The following CPSF6 variants were observed in gnomAD, a reference collection of about 807,000 sequenced individuals.
CPSF6 encodes cleavage and polyadenylation specificity factor subunit 6.
CPSF6 carries 10 observed loss-of-function variants against 56.7 expected under a neutral mutation model. The ratio of observed to expected loss-of-function variants is 0.18; its 90% CI spans 0.11 to 0.30. CPSF6 has a LOEUF of 0.30. Among genes scored for constraint, CPSF6 ranks in the 10% least tolerant of loss-of-function variants. CPSF6 has a pLI of 1.00. For missense variants in CPSF6, 419 were observed against 722.9 expected, an observed-to-expected ratio of 0.58 and a Z score of 4.82; for synonymous variants, 248 against 244.8, an observed-to-expected ratio of 1.01 and a Z score of -0.12.
At position 69,270,812 on chromosome 12, in the gene CPSF6, T is replaced by G. The variant is rs537694227; in HGVS notation, c.*1304T>G. ...AAATTGGCAGAGGCAGGGTGTCAAC[T>G]TGATTAGGTGTTTTTATGGGAATGT... On this transcript the variant is annotated 3_prime_UTR_variant, in exon 10 of 10. Transcript: ENST00000435070. The G allele has an allele frequency of 2.6e-5, 4 of 151,886 alleles. No homozygotes were observed. In the South Asian group the frequency reaches 6.2e-4, roughly 24 times the overall value. The allele number at this position is 151,886 out of a possible 1,614,324, so 9.4% of individuals were successfully genotyped here.
At chr12:69,256,658 C>G in intron 3 of CPSF6, 39 bp from the exon 4 acceptor site, 1 of 1,567,096 alleles carries the variant, frequency 6.4e-7, no homozygotes, top group Non-Finnish European at 8.6e-7. Context: ...ATATTGATCT[C>G]TTTTTACTTT....
chr12:69,265,100 A>G (rs2120621934), intron 9 of CPSF6, among the ~76,000 whole-genome samples: 1 of 152,202 alleles, frequency 6.6e-6, no homozygotes, highest in African/African-American at 2.4e-5. Flanking sequence ...TTGTGTTTGA[A>G]CTGTTGGTAA....
intron 8 of CPSF6, 104 bp from the exon 9 acceptor site, chr12:69,262,269 T>C (rs189266227): frequency 2.8e-5 from 38 of 1,380,410 alleles, no homozygotes; most frequent in Admixed American, 1.8e-4. Context: ...AAACCAGATT[T>C]ACAAAGAATT....
chr12:69,245,283 T>C (rs972287578), intron 1 of CPSF6, among the ~76,000 whole-genome samples: 2 of 152,096 alleles, frequency 1.3e-5, no homozygotes, highest in Non-Finnish European at 1.5e-5. Flanking sequence ...GAGGAATGCA[T>C]TGGGCTAAGA....
Position 69,272,926 on chromosome 12 carries a change from T to G in CPSF6, c.*3418T>G, listed in dbSNP as rs1873317902. On this transcript the variant is annotated 3_prime_UTR_variant, in exon 10 of 10. Transcript: ENST00000435070. ...CGTTTTTTTAACCTTAACTTCAGTT[T>G]AAACACTGGTGTATTTATTTTTTTA... 1 of 216,252 alleles carries G rather than the reference T, an allele frequency of 4.6e-6. No homozygotes were observed. The highest frequency in any genetic ancestry group is 5.3e-5 in the Admixed American group (1 of 18,722). The allele number at this position is 216,252 out of a possible 1,614,324, so 13.4% of individuals were successfully genotyped here. A position where few individuals can be genotyped will look rare whatever the true frequency, so the allele number is the denominator to read the frequency against.
chr12:69,260,522 CA>C (rs1872700359), intron 8 of CPSF6, among the ~76,000 whole-genome samples: 1 of 152,078 alleles, frequency 6.6e-6, no homozygotes. Flanking sequence ...TTAGGTACAC[CA>C]AATGTTTGAC....
intron 1 of CPSF6, among the ~76,000 whole-genome samples, chr12:69,250,612 AAAAAG>A (rs1457515144): frequency 1.2e-4 from 6 of 50,366 alleles, no homozygotes; most frequent in African/African-American, 3.9e-4. Flanking sequence ...AAAAAAGAAA[AAAAAG>A]AAAAGAAATA....
intron 9 of CPSF6, 121 bp downstream of exon 9, chr12:69,262,683 ATCT>A: frequency 8.5e-7 from 1 of 1,176,064 alleles, no homozygotes. Flanking sequence ...TGTGAATTTA[ATCT>A]TCTGGAAACA....
At position 69,273,612 on chromosome 12, in the gene CPSF6, C is replaced by CT. The variant is rs1873357575; in HGVS notation, c.*4109dup. 1 of 151,948 alleles carries CT rather than the reference C, an allele frequency of 6.6e-6. No individual in the cohort carries two copies. The highest frequency in any genetic ancestry group is 1.9e-4 in the East Asian group (1 of 5,192). 9.4% of individuals were successfully genotyped at this position (151,948 alleles called of 1,614,324 possible). A position where few individuals can be genotyped will look rare whatever the true frequency, so the allele number is the denominator to read the frequency against. On this transcript the variant is annotated 3_prime_UTR_variant, in exon 10 of 10. Transcript: ENST00000435070. ...AAACATTTTGTTTTGAAAGTGTGTT[C>CT]TTTTTGTCGCACTGTTACTGCGTAA...
intron 9 of CPSF6, among the ~76,000 whole-genome samples, chr12:69,267,072 C>A (rs1174606812): frequency 6.6e-6 from 1 of 151,942 alleles, no homozygotes; most frequent in Admixed American, 6.6e-5. Context: ...GAGAAATTTT[C>A]AGATAGAGAA....
Position 69,262,366 on chromosome 12 carries a change from T to C in CPSF6, c.1470-7T>C. 1 of 1,567,950 alleles carries C rather than the reference T, an allele frequency of 6.4e-7. No individual in the cohort carries two copies. The highest frequency in any genetic ancestry group is 8.7e-7 in the Non-Finnish European group (1 of 1,152,660). Reference sequence around the variant, plus strand: ...GAGAGCATTAATCCAGTAATTTCTTTTAGAAGACGTGAACGATCAAGAGAG... The same window carrying C: ...GAGAGCATTAATCCAGTAATTTCTTCTAGAAGACGTGAACGATCAAGAGAG... On this transcript the variant is annotated splice_region_variant and splice_polypyrimidine_tract_variant and intron_variant, in intron 8 of 9. Transcript: ENST00000435070.
chr12:69,249,174 G>A, intron 1 of CPSF6, among the ~76,000 whole-genome samples: 1 of 122,864 alleles, frequency 8.1e-6, no homozygotes, highest in Non-Finnish European at 1.8e-5. Context: ...GGGGGGCTGA[G>A]GCAGGAGAAT....
At chr12:69,257,241 A>G (rs1468331148) in intron 4 of CPSF6, among the ~76,000 whole-genome samples, 1 of 152,222 alleles carries the variant, frequency 6.6e-6, no homozygotes, top group Non-Finnish European at 1.5e-5. Flanking sequence ...CTGCTTGGCA[A>G]CAAGACCTTT....
At chr12:69,245,054 T>A (rs1301689870) in intron 1 of CPSF6, among the ~76,000 whole-genome samples, 1 of 150,036 alleles carries the variant, frequency 6.7e-6, no homozygotes, top group East Asian at 1.9e-4. Flanking sequence ...GGCCAGGAGT[T>A]CGAGACCAGC....
In CPSF6 at chr12:69,262,540, G is replaced by C; in HGVS notation, c.1637G>C (p.Arg546Pro). Reference sequence around the variant, plus strand: ...CGTGACCGAGAGCGTGACCGAGAGCGCGAATATCGTCATCGTTAGAAGGTG... The same window carrying C: ...CGTGACCGAGAGCGTGACCGAGAGCCCGAATATCGTCATCGTTAGAAGGTG... ...RDRDRERDRE[R>P]EYRHR Residue 546 changes from arginine (R) to proline (P), a missense_variant, in exon 9 of 10, where the codon CGC becomes CCC. By Grantham distance (103) the Arg-to-Pro change is moderately radical. Around this residue, in one of 4 missense-constraint regions of CPSF6, gnomAD observed 81 missense variants for 193.6 expected, o/e 0.42. Coordinates refer to ENST00000435070, the MANE Select transcript of CPSF6 (RefSeq NM_007007.3). 1 of 1,613,398 alleles carries C rather than the reference G, an allele frequency of 6.2e-7. No homozygotes were observed. The highest frequency in any genetic ancestry group is 8.5e-7 in the Non-Finnish European group (1 of 1,179,582).
At chr12:69,261,111 A>G (rs1278531097) in intron 8 of CPSF6, among the ~76,000 whole-genome samples, 1 of 152,100 alleles carries the variant, frequency 6.6e-6, no homozygotes, top group African/African-American at 2.4e-5. Flanking sequence ...TTCACTTGGT[A>G]TTCTTAGATA....
At chr12:69,267,314 C>G (rs957347497) in intron 9 of CPSF6, among the ~76,000 whole-genome samples, 1 of 151,922 alleles carries the variant, frequency 6.6e-6, no homozygotes, top group African/African-American at 2.4e-5. Flanking sequence ...GATATAGTAT[C>G]TTAAAATACA....
intron 1 of CPSF6, among the ~76,000 whole-genome samples, chr12:69,250,061 G>C (rs1442013426): frequency 6.6e-6 from 1 of 152,026 alleles, no homozygotes; most frequent in African/African-American, 2.4e-5. Flanking sequence ...AATTTGGATT[G>C]TTCTACATGT....
rs530704973 is a variant in CPSF6, at chr12:69,259,785, A to G, written c.1315+242A>G. 2.0e-5 allele frequency among the ~76,000 whole-genome samples: 3 copies of G among 152,342 alleles called. No homozygotes were observed. The East Asian group carries it at 5.8e-4, about 29-fold the overall frequency. The stretch of plus-strand genomic sequence containing the variant: ...TCTTACCCTTGACATTTAATGGTTC[A>G]GGGGCCTCATGACACCTTATTTATT... On this transcript the variant is annotated intron_variant, in intron 7 of 9. Transcript: ENST00000435070.
Sources: allele counts gnomAD v4.1 joint callset (sites outside exome capture counted in the v4.1 genomes callset), GRCh38; gene constraint gnomAD v4.1.1; regional missense constraint gnomAD v4.1.1; transcripts MANE v1.5; gene names NCBI Gene and HGNC (gene_info 2026-07-23, HGNC 2026-07-21).